DOCK2: variants seen among roughly 807,000 people sequenced by gnomAD.
DOCK2 encodes dedicator of cytokinesis protein 2.
A neutral mutation model predicts 248.9 loss-of-function variants in DOCK2; 87 were observed. The observed-to-expected ratio is 0.35, with a 90% CI of 0.29 to 0.42. DOCK2 has a LOEUF of 0.42. Among genes scored for constraint, DOCK2 ranks in the 10% least tolerant of loss-of-function variants. The pLI is 1.00. For synonymous variants in DOCK2, 805 were observed against 821.6 expected (o/e 0.98, Z 0.35); for missense variants, 1,747 against 2,300.2 (o/e 0.76, Z 4.92).
At chr5:169,731,310 A>C (rs1762755256) in intron 22 of DOCK2, among the ~76,000 whole-genome samples, 1 of 152,126 alleles carries the variant, frequency 6.6e-6, no homozygotes, top group South Asian at 2.1e-4. Context: ...AGGTGATTGA[A>C]TTACAGGGGT....
intron 30 of DOCK2, among the ~76,000 whole-genome samples, chr5:170,001,491 A>G (rs373486656): frequency 3.3e-5 from 5 of 152,294 alleles, no homozygotes; most frequent in East Asian, 3.9e-4. Context: ...GATAAACTGG[A>G]TTCAGATGCC....
intron 27 of DOCK2, among the ~76,000 whole-genome samples, chr5:169,962,980 C>G (rs950856814): frequency 2.6e-5 from 4 of 152,168 alleles, no homozygotes; most frequent in Non-Finnish European, 4.4e-5. Flanking sequence ...GAAGCTCTAG[C>G]TGGGCTAAGG....
intron 44 of DOCK2, among the ~76,000 whole-genome samples, chr5:170,062,213 C>T (rs1757358075): frequency 6.6e-6 from 1 of 152,008 alleles, no homozygotes; most frequent in Admixed American, 6.6e-5. Context: ...TCTTCAGAAA[C>T]ATCCAGACTC....
At chr5:169,715,706 C>T (rs1761869582) in intron 19 of DOCK2, among the ~76,000 whole-genome samples, 1 of 151,232 alleles carries the variant, frequency 6.6e-6, no homozygotes. Flanking sequence ...CACACGTAAA[C>T]ACCATGTGTA....
intron 29 of DOCK2, among the ~76,000 whole-genome samples, chr5:169,986,135 C>G (rs1778063163): frequency 6.6e-6 from 1 of 152,190 alleles, no homozygotes; most frequent in African/African-American, 2.4e-5. Context: ...TTTCAAATCC[C>G]AGTTAGAATA....
intron 15 of DOCK2, 139 bp from the exon 16 acceptor site, chr5:169,711,796 C>A: frequency 2.6e-6 from 2 of 775,046 alleles, no homozygotes; most frequent in South Asian, 1.7e-5. Context: ...TACAGTTCAT[C>A]AGCCTCAATG....
intron 25 of DOCK2, among the ~76,000 whole-genome samples, chr5:169,802,309 A>T (rs113528423): frequency 0.013 from 1,998 of 152,252 alleles, 25 homozygotes; most frequent in Middle Eastern, 0.048. Flanking sequence ...TTACAGGCGC[A>T]TGTCACCATG....
chr5:169,741,891 G>T (rs1022171244), intron 22 of DOCK2, among the ~76,000 whole-genome samples: 2 of 144,520 alleles, frequency 1.4e-5, no homozygotes, highest in Non-Finnish European at 3.0e-5. Context: ...CTTACCGCAA[G>T]CTCTGCCTCC....
At chr5:169,854,945 G>A (rs1002801277) in intron 27 of DOCK2, among the ~76,000 whole-genome samples, 1 of 152,146 alleles carries the variant, frequency 6.6e-6, no homozygotes, top group African/African-American at 2.4e-5. Context: ...TGGTAGCAAC[G>A]GGGGATGACC....
At position 170,079,178 on chromosome 5, in the gene DOCK2, G is replaced by A. The variant is rs111861806; in HGVS notation, c.5166+32G>A. The A allele has an allele frequency of 1.8e-3, 2,822 of 1,603,674 alleles. 31 individuals carry two copies. In the African/African-American group the frequency reaches 0.033, roughly 19 times the overall value. Reference sequence around the variant, plus strand: ...GGCTGAGGCAGATTGCCTCTCCAGCGCTGTTAGCACATTTCCACTACATGC... The same window carrying A: ...GGCTGAGGCAGATTGCCTCTCCAGCACTGTTAGCACATTTCCACTACATGC... On this transcript the variant is annotated intron_variant, in intron 49 of 51. Transcript: ENST00000520908.
chr5:169,971,298 G>A (rs528445010), intron 27 of DOCK2, among the ~76,000 whole-genome samples: 1 of 152,302 alleles, frequency 6.6e-6, no homozygotes, highest in South Asian at 2.1e-4. Flanking sequence ...CAGCCTGCCG[G>A]GGAGCTGGGG....
At chr5:170,049,954 G>C (rs1581557358) in intron 40 of DOCK2, among the ~76,000 whole-genome samples, 1 of 152,196 alleles carries the variant, frequency 6.6e-6, no homozygotes, top group African/African-American at 2.4e-5. Flanking sequence ...AGGAGAGTGG[G>C]TGTGACACAG....
chr5:169,894,243 A>T (rs1773462649), intron 27 of DOCK2, among the ~76,000 whole-genome samples: 1 of 152,202 alleles, frequency 6.6e-6, no homozygotes, highest in Admixed American at 6.5e-5. Flanking sequence ...CCCAAGATGA[A>T]GGTGGTCTGG....
rs145379206 is a variant in DOCK2, at chr5:170,011,523, GA to G, written c.3232+2778del. On this transcript the variant is annotated intron_variant, in intron 32 of 51. Transcript: ENST00000520908. ...GCATTGACTGCAGCTGCCTTAATCA[GA>G]GAAGGTATTTATTAGAAGGGCAAGA... Among the ~76,000 whole-genome samples the G allele has an allele frequency of 2.1e-3, 325 of 152,266 alleles. 1 individual carries two copies. The highest frequency in any genetic ancestry group is 7.3e-3 in the African/African-American group (303 of 41,544).
intron 39 of DOCK2, 41 bp from the exon 40 acceptor site, chr5:170,047,469 T>C: frequency 6.3e-7 from 1 of 1,584,194 alleles, no homozygotes; most frequent in Non-Finnish European, 8.6e-7. Flanking sequence ...GTGCCTTTGA[T>C]ACACATCTGT....
intron 27 of DOCK2, among the ~76,000 whole-genome samples, chr5:169,864,772 G>A (rs1449954891): frequency 1.3e-5 from 2 of 152,152 alleles, no homozygotes; most frequent in African/African-American, 4.8e-5. Context: ...GTTTTGGCAT[G>A]TGTTATGCAT....
In DOCK2 at chr5:169,983,021, A is replaced by G. The variant is rs183102859; in HGVS notation, c.2800-47A>G. 3.8e-6 allele frequency: 6 copies of G among 1,598,996 alleles called. No homozygotes were observed. In the East Asian group the frequency reaches 6.7e-5, roughly 18 times the overall value. ...ACATTTTCTCACAGGGAAGTTTTCC[A>G]TGGTCCTCTCTCAACTATTTATAGT... On this transcript the variant is annotated intron_variant, in intron 27 of 51. Coordinates refer to ENST00000520908, the MANE Select transcript of DOCK2 (RefSeq NM_004946.3).
chr5:169,690,052 A>AT (rs530581976), intron 9 of DOCK2, among the ~76,000 whole-genome samples: 3,289 of 134,954 alleles, frequency 0.024, 59 homozygotes, highest in South Asian at 0.053. Context: ...GAAGAGTGTG[A>AT]TTTTTTTTTT....
Position 169,712,181 on chromosome 5 carries a change from G to C in DOCK2, c.1617G>C (p.Gly539=). 3 of 1,614,098 alleles carry C rather than the reference G, an allele frequency of 1.9e-6. No homozygotes were observed. Among genetic ancestry groups the C allele is most frequent in the Non-Finnish European group, 2.5e-6 (3 of 1,179,968 alleles). The change falls in exon 17 of 52, where the codon GGG becomes GGC. Residue 539 remains glycine (G), a synonymous_variant. Transcript: ENST00000520908. ...ATGTGAAGCTGATGAAAGAAGATGG[G>C]ACTACTCTACACGATGGATTCCATG... is the stretch of plus-strand genomic sequence containing the variant. The part of the protein sequence containing the change: ...MSYVKLMKED[G]TTLHDGFHDL...
Sources: allele counts gnomAD v4.1 joint callset (sites outside exome capture counted in the v4.1 genomes callset), GRCh38; gene constraint gnomAD v4.1.1; transcripts MANE v1.5; gene names NCBI Gene and HGNC (gene_info 2026-07-23, HGNC 2026-07-21).